KATNAL1: variants seen among roughly 807,000 people sequenced by gnomAD.
The protein encoded by KATNAL1 is katanin catalytic subunit A1 like 1.
KATNAL1 carries 32 observed loss-of-function variants against 55.2 expected under a neutral mutation model. The ratio of observed to expected loss-of-function variants is 0.58; its 90% CI spans 0.44 to 0.78. The LOEUF (loss-of-function observed/expected upper bound fraction) is 0.78, where lower values mean the gene tolerates loss of function less well. Among genes scored for constraint, KATNAL1 ranks in the 30% least tolerant of loss-of-function variants. The pLI is 0.00. For synonymous variants in KATNAL1, 193 were observed against 193.6 expected, an observed-to-expected ratio of 1.00 and a Z score of 0.02; for missense variants, 466 against 600.9, an observed-to-expected ratio of 0.78 and a Z score of 2.35.
At chr13:30,284,579 T>A (rs1881649096) in intron 1 of KATNAL1, among the ~76,000 whole-genome samples, 1 of 152,218 alleles carries the variant, frequency 6.6e-6, no homozygotes, top group Admixed American at 6.5e-5. Context: ...CAGTCTATAG[T>A]TGTCCATGTA....
At chr13:30,251,864 T>C (rs115364508) in intron 4 of KATNAL1, among the ~76,000 whole-genome samples, 2,010 of 152,286 alleles carry the variant, frequency 0.013, 38 homozygotes, top group African/African-American at 0.045. Flanking sequence ...GATGACCCTG[T>C]AGACCTCAGG....
intron 3 of KATNAL1, among the ~76,000 whole-genome samples, chr13:30,257,646 C>CCG (rs1878904251): frequency 6.6e-6 from 1 of 152,196 alleles, no homozygotes; most frequent in South Asian, 2.1e-4. Context: ...CACACAAATC[C>CCG]CGCTCAGTAA....
intron 1 of KATNAL1, among the ~76,000 whole-genome samples, chr13:30,302,995 T>C (rs916490554): frequency 1.3e-5 from 2 of 152,130 alleles, no homozygotes; most frequent in Non-Finnish European, 2.9e-5. Flanking sequence ...TGAGATATGA[T>C]TAAAAACTAT....
chr13:30,292,346 G>T (rs748059908), intron 1 of KATNAL1, among the ~76,000 whole-genome samples: 6 of 151,126 alleles, frequency 4.0e-5, no homozygotes, highest in Non-Finnish European at 5.9e-5. Flanking sequence ...AAAGCTTCCA[G>T]AAGACAACCT....
At chr13:30,220,656 T>C (rs570601179) in intron 9 of KATNAL1, among the ~76,000 whole-genome samples, 2 of 152,322 alleles carry the variant, frequency 1.3e-5, no homozygotes, top group African/African-American at 2.4e-5. Flanking sequence ...TTGCTTTAAA[T>C]AAGCGTATTA....
intron 3 of KATNAL1, among the ~76,000 whole-genome samples, chr13:30,271,855 G>T (rs1244559502): frequency 8.6e-6 from 1 of 115,816 alleles, no homozygotes; most frequent in Non-Finnish European, 1.8e-5. Flanking sequence ...AAAAGAAGCT[G>T]CAGTCAGAAT....
At chr13:30,213,841 G>T (rs1327762509) in intron 9 of KATNAL1, among the ~76,000 whole-genome samples, 1 of 152,192 alleles carries the variant, frequency 6.6e-6, no homozygotes, top group African/African-American at 2.4e-5. Flanking sequence ...AAAACTGGAA[G>T]CATTCCCTTT....
chr13:30,287,277 G>T (rs905681835), intron 1 of KATNAL1, among the ~76,000 whole-genome samples: 28 of 152,186 alleles, frequency 1.8e-4, no homozygotes, highest in Non-Finnish European at 2.9e-5. Flanking sequence ...GTCAAGGGCA[G>T]GAGCACATGG....
chr13:30,303,892 G>C (rs1013780062), intron 1 of KATNAL1, among the ~76,000 whole-genome samples: 2 of 152,186 alleles, frequency 1.3e-5, no homozygotes, highest in African/African-American at 2.4e-5. Flanking sequence ...TGATCCACCT[G>C]CTTAATATGG....
intron 3 of KATNAL1, among the ~76,000 whole-genome samples, chr13:30,274,358 AGAC>A (rs1214987585): frequency 6.6e-6 from 1 of 152,206 alleles, no homozygotes; most frequent in Non-Finnish European, 1.5e-5. Context: ...AAGAAACATA[AGAC>A]AACAACTTTA....
At chr13:30,253,447 GA>G (rs967513136) in intron 4 of KATNAL1, among the ~76,000 whole-genome samples, 1 of 151,304 alleles carries the variant, frequency 6.6e-6, no homozygotes, top group Non-Finnish European at 1.5e-5. Context: ...TAATTTCCAG[GA>G]AAAAAAATGT....
At chr13:30,232,795 C>A (rs1876238435) in intron 6 of KATNAL1, among the ~76,000 whole-genome samples, 3 of 152,028 alleles carry the variant, frequency 2.0e-5, no homozygotes, top group African/African-American at 7.2e-5. Context: ...CTGGCTCTTT[C>A]CCCTCGGTAT....
At chr13:30,238,487 CACTT>C (rs1293863526) in intron 6 of KATNAL1, among the ~76,000 whole-genome samples, 1 of 152,168 alleles carries the variant, frequency 6.6e-6, no homozygotes, top group African/African-American at 2.4e-5. Context: ...TTCCCAAAAA[CACTT>C]ACACTTTCTC....
chr13:30,230,676 G>T (rs558778435), intron 7 of KATNAL1, 82 bp from the exon 8 acceptor site: 16 of 992,214 alleles, frequency 1.6e-5, no homozygotes, highest in Non-Finnish European at 5.8e-6. Flanking sequence ...TAAAACAATG[G>T]CAAAAGAGAG....
chr13:30,223,441 C>CAAA (rs34451447), intron 9 of KATNAL1, among the ~76,000 whole-genome samples: 5 of 48,784 alleles, frequency 1.0e-4, no homozygotes, highest in African/African-American at 3.6e-4. Flanking sequence ...GACTCCATCT[C>CAAA]AAAAAAAAAA....
At chr13:30,287,232 C>T (rs1257975688) in intron 1 of KATNAL1, among the ~76,000 whole-genome samples, 1 of 152,190 alleles carries the variant, frequency 6.6e-6, no homozygotes, top group African/African-American at 2.4e-5. Context: ...TCTGTGTTCC[C>T]ACCCAAATCT....
Position 30,280,237 on chromosome 13 carries a change from AAT to A in KATNAL1, c.163-16_163-15del. 1 of 1,568,204 alleles carries A rather than the reference AAT, an allele frequency of 6.4e-7. No homozygotes were observed. The highest frequency in any genetic ancestry group is 8.6e-7 in the Non-Finnish European group (1 of 1,163,078). The stretch of plus-strand genomic sequence containing the variant: ...TTCCTGCCGAACCTTAAAAAAAAAA[AAT>A]AGGCTTTATGCTAGAAGCTGTTTAA... On this transcript the variant is annotated splice_polypyrimidine_tract_variant and intron_variant, in intron 2 of 10. Transcript: ENST00000380615.
At chr13:30,260,595 A>C (rs9741202) in intron 3 of KATNAL1, among the ~76,000 whole-genome samples, 3,251 of 152,184 alleles carry the variant, frequency 0.021, 46 homozygotes, top group Non-Finnish European at 0.033. Context: ...GGAGCCGATG[A>C]GATCAACTGG....
intron 9 of KATNAL1, among the ~76,000 whole-genome samples, chr13:30,213,875 G>A (rs1275136925): frequency 6.6e-6 from 1 of 152,160 alleles, no homozygotes; most frequent in Non-Finnish European, 1.5e-5. Flanking sequence ...AGACAGGGAT[G>A]CCCTCTCTCA....
Sources: gnomAD v4.1 joint callset for allele counts (sites outside exome capture counted in the v4.1 genomes callset) on GRCh38, gnomAD v4.1.1 for gene constraint, MANE v1.5 for transcripts, NCBI Gene and HGNC (gene_info 2026-07-23, HGNC 2026-07-21) for gene names.